The following SCAMP1 variants were observed in gnomAD, a reference collection of about 807,000 sequenced individuals.
SCAMP1 encodes the protein secretory carrier membrane protein 1, also known as secretory carrier-associated membrane protein 1.
SCAMP1 carries 15 observed loss-of-function variants against 41.8 expected under a neutral mutation model. The observed-to-expected ratio is 0.36, with a 90% CI of 0.24 to 0.55. The LOEUF (loss-of-function observed/expected upper bound fraction) is 0.55. Ranked by LOEUF, SCAMP1 falls within the 20% of genes least tolerant of loss-of-function variation. The pLI is 0.86. For synonymous variants in SCAMP1, 135 were observed against 136.8 expected (o/e 0.99, Z 0.09); for missense variants, 341 against 412.6 (o/e 0.83, Z 1.50).
At chr5:78,376,330 C>T (rs2112059891) in intron 1 of SCAMP1, among the ~76,000 whole-genome samples, 1 of 152,304 alleles carries the variant, frequency 6.6e-6, no homozygotes, top group Admixed American at 6.5e-5. Flanking sequence ...ACTTTTAGCA[C>T]ATCTCAATTG....
At chr5:78,363,708 C>T (rs1055320924) in intron 1 of SCAMP1, among the ~76,000 whole-genome samples, 2 of 152,132 alleles carry the variant, frequency 1.3e-5, no homozygotes, top group Non-Finnish European at 2.9e-5. Context: ...TTCGTTTGTG[C>T]CGTATCATGA....
At chr5:78,413,854 G>C (rs529775690) in intron 2 of SCAMP1, among the ~76,000 whole-genome samples, 17 of 152,062 alleles carry the variant, frequency 1.1e-4, no homozygotes, top group Admixed American at 3.3e-4. Flanking sequence ...GTGTCTTCTG[G>C]TTTTAATAGT....
At chr5:78,392,011 G>C in intron 2 of SCAMP1, among the ~76,000 whole-genome samples, 1 of 128,848 alleles carries the variant, frequency 7.8e-6, no homozygotes, top group Non-Finnish European at 1.7e-5. Context: ...GAGAGGGAGA[G>C]GGAGAGGGAG....
intron 8 of SCAMP1, among the ~76,000 whole-genome samples, chr5:78,460,839 A>G (rs1478327871): frequency 3.7e-5 from 3 of 80,972 alleles, no homozygotes; most frequent in South Asian, 4.8e-4. Context: ...TCTTTCCTCT[A>G]TCTGTCTCTC....
rs1174783125 is a variant in SCAMP1, at chr5:78,475,498, C to T, written c.853-6C>T. 1.0e-5 allele frequency: 16 copies of T among 1,575,412 alleles called. No homozygotes were observed. Among genetic ancestry groups the T allele is most frequent in the South Asian group, 4.8e-5 (4 of 84,174 alleles). Reference sequence around the variant, plus strand: ...TACCTTCTCCCACTTTTTTGTGCCTCTGTAGGTACATGGACTATATCGCAC... The same window carrying T: ...TACCTTCTCCCACTTTTTTGTGCCTTTGTAGGTACATGGACTATATCGCAC... On this transcript the variant is annotated splice_polypyrimidine_tract_variant and splice_region_variant and intron_variant, in intron 8 of 8. Coordinates refer to ENST00000621999, the MANE Select transcript of SCAMP1 (RefSeq NM_004866.6).
intron 8 of SCAMP1, among the ~76,000 whole-genome samples, chr5:78,471,942 T>G (rs748318059): frequency 6.6e-6 from 1 of 152,126 alleles, no homozygotes; most frequent in Non-Finnish European, 1.5e-5. Context: ...TATACCAAAT[T>G]TAATGCCTTT....
Position 78,394,554 on chromosome 5 carries a change from T to C in SCAMP1, c.135+5640T>C, listed in dbSNP as rs546395744. Reference sequence around the variant, plus strand: ...ATTTAGTATTAGTATCTCTTGAAAATTAGGACTAAAGCATCTAGCTGCAGG... The same window carrying C: ...ATTTAGTATTAGTATCTCTTGAAAACTAGGACTAAAGCATCTAGCTGCAGG... On this transcript the variant is annotated intron_variant, in intron 2 of 8. Coordinates refer to ENST00000621999, the MANE Select transcript of SCAMP1 (RefSeq NM_004866.6). Among the ~76,000 whole-genome samples, 3 of 152,212 alleles carry C rather than the reference T, an allele frequency of 2.0e-5. No homozygotes were observed. The East Asian group carries it at 5.8e-4, about 29-fold the overall frequency.
intron 6 of SCAMP1, among the ~76,000 whole-genome samples, chr5:78,432,105 G>A (rs146507364): frequency 1.5e-3 from 232 of 151,790 alleles, no homozygotes; most frequent in African/African-American, 5.0e-3. Flanking sequence ...CTACCTCTCC[G>A]GTGCCCTGGC....
At chr5:78,427,559 C>A (rs1472349379) in intron 6 of SCAMP1, among the ~76,000 whole-genome samples, 1 of 152,036 alleles carries the variant, frequency 6.6e-6, no homozygotes, top group African/African-American at 2.4e-5. Flanking sequence ...CTAGGAGTAG[C>A]CTTACTGGGA....
intron 7 of SCAMP1, among the ~76,000 whole-genome samples, chr5:78,457,518 C>A (rs1207773917): frequency 2.6e-5 from 4 of 152,122 alleles, no homozygotes; most frequent in East Asian, 1.9e-4. Flanking sequence ...GTCAGGGACC[C>A]AGTTGAGGAG....
chr5:78,360,984 T>A (rs577766623), intron 1 of SCAMP1: 2 of 467,204 alleles, frequency 4.3e-6, no homozygotes, highest in South Asian at 5.1e-5. Context: ...GAGGGTCGTG[T>A]CTGCAGCCGG....
chr5:78,370,641 C>T (rs764195943), intron 1 of SCAMP1: 16 of 152,134 alleles, frequency 1.1e-4, no homozygotes, highest in Non-Finnish European at 1.9e-4. Context: ...ATAAACATTC[C>T]TGTACAAGTG....
intron 1 of SCAMP1, among the ~76,000 whole-genome samples, chr5:78,364,293 A>G (rs73128339): frequency 0.028 from 4,328 of 152,324 alleles, 221 homozygotes; most frequent in African/African-American, 0.097. Flanking sequence ...TCATAAAAGG[A>G]AGAAATTAGT....
At chr5:78,424,580 A>G (rs182024217) in intron 6 of SCAMP1, among the ~76,000 whole-genome samples, 19 of 152,252 alleles carry the variant, frequency 1.2e-4, no homozygotes, top group Admixed American at 1.2e-3. Flanking sequence ...AAATACAAAA[A>G]ATTAGCTGAG....
chr5:78,379,733 ACT>A lies in SCAMP1; in HGVS notation c.58-9102_58-9101del, dbSNP rs1213356531. ...AAGTATTTAAGGTGAATTTTAGCAC[ACT>A]CAAGATAATTAGATGTGTGTATTTG... On this transcript the variant is annotated intron_variant, in intron 1 of 8. Transcript: ENST00000621999. Among the ~76,000 whole-genome samples the A allele has an allele frequency of 2.0e-5, 3 of 152,180 alleles. No individual in the cohort carries two copies. In the East Asian group the frequency reaches 5.8e-4, roughly 29 times the overall value.
chr5:78,394,339 T>A (rs1277440454), intron 2 of SCAMP1, among the ~76,000 whole-genome samples: 1 of 150,990 alleles, frequency 6.6e-6, no homozygotes, highest in Non-Finnish European at 1.5e-5. Flanking sequence ...ATCTTTTTTT[T>A]ATATATATAT....
At chr5:78,427,328 C>T (rs1752492509) in intron 6 of SCAMP1, among the ~76,000 whole-genome samples, 1 of 152,050 alleles carries the variant, frequency 6.6e-6, no homozygotes, top group Admixed American at 6.6e-5. Flanking sequence ...AGTACTGCAC[C>T]AGGCCATTCA....
intron 2 of SCAMP1, among the ~76,000 whole-genome samples, chr5:78,402,375 T>A (rs1259524995): frequency 6.6e-6 from 1 of 152,180 alleles, no homozygotes; most frequent in Non-Finnish European, 1.5e-5. Context: ...TTCTTAATGA[T>A]TTCTTGCCTG....
chr5:78,430,597 C>G (rs1017737584), intron 6 of SCAMP1, among the ~76,000 whole-genome samples: 9 of 151,800 alleles, frequency 5.9e-5, no homozygotes, highest in Non-Finnish European at 1.2e-4. Flanking sequence ...TTATCAGATT[C>G]TCTTACGTTT....
Sources: allele counts gnomAD v4.1 joint callset (sites outside exome capture counted in the v4.1 genomes callset), GRCh38; gene constraint gnomAD v4.1.1; transcripts MANE v1.5; gene names NCBI Gene and HGNC (gene_info 2026-07-23, HGNC 2026-07-21).